Variants in UGT2B10 observed in about 807,000 individuals in gnomAD.
The protein encoded by UGT2B10 is UDP-glucuronosyltransferase 2B10.
In UGT2B10, 51 loss-of-function variants were observed where a neutral mutation model predicts 43.7. The observed-to-expected ratio is 1.17, with a 90% confidence interval of 0.93 to 1.47. The LOEUF is 1.47. Ranked by LOEUF, UGT2B10 falls within the 40% of genes most tolerant of loss-of-function variation. The pLI, the probability that UGT2B10 is intolerant of heterozygous loss-of-function variation, is 0.00. For synonymous variants in UGT2B10, 225 were observed against 209.0 expected (o/e 1.08, Z -0.66); for missense variants, 696 against 617.7 (o/e 1.13, Z -1.34).
At chr4:68,829,592 G>A (rs11249509) in intron 5 of UGT2B10, among the ~76,000 whole-genome samples, 140,745 of 152,018 alleles carry the variant, frequency 0.93, 65,946 homozygotes, top group Non-Finnish European at 1. Flanking sequence ...TAGAGGTTCC[G>A]TCAGATTGTG....
chr4:68,825,897 T>G (rs1008615006), intron 3 of UGT2B10, among the ~76,000 whole-genome samples: 30 of 152,142 alleles, frequency 2.0e-4, no homozygotes, highest in African/African-American at 5.8e-4. Flanking sequence ...TGCCTCTAGG[T>G]TTTTGAGGAA....
chr4:68,829,691 C>T (rs570989385), intron 5 of UGT2B10, among the ~76,000 whole-genome samples: 5 of 152,036 alleles, frequency 3.3e-5, no homozygotes, highest in South Asian at 2.1e-4. Context: ...AGAAAGAATA[C>T]TCCAAGAGCG....
At position 68,816,141 on chromosome 4, in the gene UGT2B10, T is replaced by C; in HGVS notation, c.122T>C (p.Ile41Thr). The change falls in exon 1 of 6, where the codon ATC becomes ACC. Residue 41 changes from isoleucine (I) to threonine (T), a missense_variant. Physicochemically the swap from Ile to Thr is moderately conservative, Grantham distance 89. Coordinates refer to ENST00000265403, the MANE Select transcript of UGT2B10 (RefSeq NM_001075.6). ...AGCCTTTGGATGAATATGAAGACAA[T>C]CCTGAAAGAACTTGTTCAGAGAGGT... ...EYSLWMNMKT[I>T]LKELVQRGHE... The C allele has an allele frequency of 6.2e-7, 1 of 1,613,246 alleles. No homozygotes were observed. The highest frequency in any genetic ancestry group is 1.1e-5 in the South Asian group (1 of 91,064).
chr4:68,830,978 A>G lies in UGT2B10; in HGVS notation c.*99A>G. 1 of 1,475,212 alleles carries G rather than the reference A, an allele frequency of 6.8e-7. No homozygotes were observed. Among genetic ancestry groups the G allele is most frequent in the Non-Finnish European group, 9.1e-7 (1 of 1,102,864 alleles). 91.4% of individuals were successfully genotyped at this position (1,475,212 alleles called of 1,614,324 possible). On this transcript the variant is annotated 3_prime_UTR_variant, in exon 6 of 6. Coordinates refer to ENST00000265403, the MANE Select transcript of UGT2B10 (RefSeq NM_001075.6). Reference sequence around the variant, plus strand: ...GATGCAAGATTTCTTTCTTCCTGTGACAAAAAAAAATCCTTTCGAAGTCTA... The same window carrying G: ...GATGCAAGATTTCTTTCTTCCTGTGGCAAAAAAAAATCCTTTCGAAGTCTA...
intron 4 of UGT2B10, among the ~76,000 whole-genome samples, chr4:68,827,068 C>A (rs1737817364): frequency 6.6e-6 from 1 of 151,958 alleles, no homozygotes; most frequent in Non-Finnish European, 1.5e-5. Context: ...CTCTTTTGTG[C>A]ACATTTTAAA....
chr4:68,822,389 A>G lies in UGT2B10; in HGVS notation c.986A>G (p.Lys329Arg). The change falls in exon 3 of 6, where the codon AAG (lysine) becomes AGG (arginine). Residue 329 changes from lysine to arginine, a missense_variant. Lys to Arg is a conservative substitution (Grantham distance 26). Coordinates refer to ENST00000265403, the MANE Select transcript of UGT2B10 (RefSeq NM_001075.6). ...RANVIATALA[K>R]IPQKVLWRFD... ...AACGTAATTGCAACAGCCCTTGCCA[A>G]GATCCCACAAAAGGTAAGATAAAGT... 2 of 1,613,680 alleles carry G rather than the reference A, an allele frequency of 1.2e-6. No homozygotes were observed. The highest frequency in any genetic ancestry group is 1.1e-5 in the South Asian group (1 of 91,062).
chr4:68,822,827 C>T (rs1372633041), intron 3 of UGT2B10, among the ~76,000 whole-genome samples: 2 of 152,144 alleles, frequency 1.3e-5, no homozygotes, highest in African/African-American at 2.4e-5. Context: ...AATATATATC[C>T]AGAACTGTGT....
intron 2 of UGT2B10, among the ~76,000 whole-genome samples, chr4:68,820,340 C>T (rs972134791): frequency 2.0e-5 from 3 of 151,842 alleles, no homozygotes; most frequent in Non-Finnish European, 4.4e-5. Context: ...CAGATAATTT[C>T]TATATATTTT....
rs835314 is a variant in UGT2B10 at position 68,819,764 on chromosome 4, A to T, written c.867+1587A>T. Among the ~76,000 whole-genome samples, 4 of 151,940 alleles carry T rather than the reference A, an allele frequency of 2.6e-5. No homozygotes were observed. The South Asian group carries it at 8.3e-4, about 31-fold the overall frequency. Reference sequence around the variant, plus strand: ...CACTTGTTTCTGAATAGTGCCCTTAATTTCAATACGAAAAAAAATTCCGTC... The same window carrying T: ...CACTTGTTTCTGAATAGTGCCCTTATTTTCAATACGAAAAAAAATTCCGTC... On this transcript the variant is annotated intron_variant, in intron 2 of 5. Transcript: ENST00000265403.
rs747318371 is a variant in UGT2B10, at chr4:68,831,472, G to A, written c.*593G>A. On this transcript the variant is annotated 3_prime_UTR_variant, in exon 6 of 6. Transcript: ENST00000265403. ...TAACATAAAAGAAGAATGGGATGAG[G>A]TGAGAAGGATGAATACAAAAATAAT... is the stretch of plus-strand genomic sequence containing the variant. Among the ~76,000 whole-genome samples the A allele has an allele frequency of 1.3e-5, 2 of 152,074 alleles. No homozygotes were observed. The highest frequency in any genetic ancestry group is 2.9e-5 in the Non-Finnish European group (2 of 67,996).
chr4:68,818,882 A>G (rs1341284196), intron 2 of UGT2B10, among the ~76,000 whole-genome samples: 1 of 151,924 alleles, frequency 6.6e-6, no homozygotes, highest in African/African-American at 2.4e-5. Flanking sequence ...ATATTTATTA[A>G]GAACATTGAA....
intron 3 of UGT2B10, among the ~76,000 whole-genome samples, chr4:68,825,436 C>T (rs555157230): frequency 6.6e-6 from 1 of 151,754 alleles, no homozygotes; most frequent in African/African-American, 2.4e-5. Context: ...TTTCATCACC[C>T]ACGTATTAAG....
chr4:68,816,830 G>A, intron 1 of UGT2B10, 93 bp downstream of exon 1: 1 of 1,077,478 alleles, frequency 9.3e-7, no homozygotes, highest in Non-Finnish European at 1.3e-6. Context: ...GGGAAGTGGA[G>A]TTTTTGGTAA....
chr4:68,818,636 T>C (rs570322598), intron 2 of UGT2B10, among the ~76,000 whole-genome samples: 3 of 151,586 alleles, frequency 2.0e-5, no homozygotes, highest in Non-Finnish European at 4.4e-5. Flanking sequence ...AACCCAATGC[T>C]AAGAAAGCAT....
intron 2 of UGT2B10, among the ~76,000 whole-genome samples, chr4:68,818,689 C>G (rs1403228012): frequency 1.3e-5 from 2 of 151,532 alleles, no homozygotes; most frequent in African/African-American, 4.8e-5. Context: ...CTGATGAGTA[C>G]GATGAGAGCT....
chr4:68,816,099 T>C lies in UGT2B10; in HGVS notation c.80T>C (p.Val27Ala), dbSNP rs1411671717. The C allele has an allele frequency of 1.2e-6, 2 of 1,613,086 alleles. No individual in the cohort carries two copies. The change falls in exon 1 of 6, where the codon GTA becomes GCA. Residue 27 changes from valine to alanine, a missense_variant. By Grantham distance (64) the Val-to-Ala change is moderately conservative (BLOSUM62 0). Transcript: ENST00000265403. ...TCTGGGAGTTGTGGAAAGGTGCTGG[T>C]ATGGGCCGCAGAATACAGCCTTTGG... The part of the protein sequence containing the change: ...FSSGSCGKVL[V>A]WAAEYSLWMN...
At chr4:68,819,525 T>G (rs116429800) in intron 2 of UGT2B10, among the ~76,000 whole-genome samples, 3,101 of 152,098 alleles carry the variant, frequency 0.02, 122 homozygotes, top group African/African-American at 0.071. Context: ...GTTCACATGA[T>G]TTTAATAAAG....
At position 68,830,946 on chromosome 4, in the gene UGT2B10, A is replaced by G. The variant is rs1459162183; in HGVS notation, c.*67A>G. 27 of 1,523,356 alleles carry G rather than the reference A, an allele frequency of 1.8e-5. No homozygotes were observed. Among genetic ancestry groups the G allele is most frequent in the Non-Finnish European group, 2.3e-5 (26 of 1,132,666 alleles). The allele number at this position is 1,523,356 out of a possible 1,614,324, so 94.4% of individuals were successfully genotyped here. A position where few individuals can be genotyped will look rare whatever the true frequency, so the allele number is the denominator to read the frequency against. On this transcript the variant is annotated 3_prime_UTR_variant, in exon 6 of 6. Transcript: ENST00000265403. ...ATACTTCAGTTGATTCCAGCAATAAATATTGTGATGCAAGATTTCTTTCTT... is the reference window on the plus strand; with the variant it reads ...ATACTTCAGTTGATTCCAGCAATAAGTATTGTGATGCAAGATTTCTTTCTT...
chr4:68,822,530 T>A, intron 3 of UGT2B10, 128 bp downstream of exon 3: 1 of 1,557,100 alleles, frequency 6.4e-7, no homozygotes, highest in South Asian at 1.2e-5. Context: ...TAAATATGCT[T>A]GTATAGCATC....
Sources: allele counts gnomAD v4.1 joint callset (sites outside exome capture counted in the v4.1 genomes callset), GRCh38; gene constraint gnomAD v4.1.1; transcripts MANE v1.5; gene names NCBI Gene and HGNC (gene_info 2026-07-23, HGNC 2026-07-21).